Variants in CNTNAP3 observed in about 807,000 individuals in gnomAD.
CNTNAP3 encodes the protein contactin-associated protein-like 3.
A neutral mutation model predicts 92.1 loss-of-function variants in CNTNAP3; 36 were observed. The ratio of observed to expected loss-of-function variants is 0.39; its 90% CI spans 0.30 to 0.52. The LOEUF (loss-of-function observed/expected upper bound fraction) is 0.52, where lower values mean the gene tolerates loss of function less well. Among genes scored for constraint, CNTNAP3 ranks in the 20% least tolerant of loss-of-function variants. CNTNAP3 has a pLI of 0.76. For synonymous variants in CNTNAP3, 232 were observed against 422.3 expected, an observed-to-expected ratio of 0.55 and a Z score of 5.53; for missense variants, 534 against 1,069.6, an observed-to-expected ratio of 0.50 and a Z score of 6.98.
chr9:39,138,322 G>A (rs1377044435), intron 12 of CNTNAP3, among the ~76,000 whole-genome samples: 1 of 152,114 alleles, frequency 6.6e-6, no homozygotes, highest in East Asian at 1.9e-4. Context: ...CCTTTAGGGA[G>A]CCTTAGCCTC....
chr9:39,101,085 A>T (rs1336799200), intron 17 of CNTNAP3, among the ~76,000 whole-genome samples: 2 of 148,718 alleles, frequency 1.3e-5, no homozygotes, highest in African/African-American at 4.9e-5. Context: ...AATCTCCAAG[A>T]TTACAAGTGA....
At chr9:39,149,136 T>C (rs752971414) in intron 10 of CNTNAP3, among the ~76,000 whole-genome samples, 145 of 152,198 alleles carry the variant, frequency 9.5e-4, no homozygotes, top group Non-Finnish European at 1.6e-3. Context: ...GCAGAACATG[T>C]GGGGTTGGGT....
At chr9:39,122,398 C>T (rs1821051298) in intron 13 of CNTNAP3, among the ~76,000 whole-genome samples, 1 of 151,602 alleles carries the variant, frequency 6.6e-6, no homozygotes, top group Admixed American at 6.6e-5. Flanking sequence ...AATGAGTATA[C>T]GATGCTTCTC....
chr9:39,129,594 A>G (rs1308701745), intron 13 of CNTNAP3, among the ~76,000 whole-genome samples: 4 of 152,224 alleles, frequency 2.6e-5, no homozygotes, highest in African/African-American at 9.6e-5. Flanking sequence ...TAGAATTGAC[A>G]CGATGTGTAC....
At chr9:39,154,857 G>A (rs1016516083) in intron 9 of CNTNAP3, 3 of 232,468 alleles carry the variant, frequency 1.3e-5, no homozygotes, top group African/African-American at 2.4e-5. Context: ...CAGGGGCTGC[G>A]AGATGCCTTT....
At chr9:39,116,841 G>C (rs1820869794) in intron 14 of CNTNAP3, among the ~76,000 whole-genome samples, 1 of 152,098 alleles carries the variant, frequency 6.6e-6, no homozygotes, top group African/African-American at 2.4e-5. Flanking sequence ...ATGCAAAGTA[G>C]ACTTTTTATG....
At chr9:39,146,959 C>T (rs566278268) in intron 10 of CNTNAP3, among the ~76,000 whole-genome samples, 14 of 152,204 alleles carry the variant, frequency 9.2e-5, no homozygotes, top group East Asian at 1.9e-4. Context: ...TAATTCCCAC[C>T]GTGTCATGGG....
At chr9:39,123,447 C>G (rs138522976) in intron 13 of CNTNAP3, among the ~76,000 whole-genome samples, 1 of 151,692 alleles carries the variant, frequency 6.6e-6, no homozygotes, top group Non-Finnish European at 1.5e-5. Flanking sequence ...ATCGGAATAC[C>G]AGAAGTAGAA....
At chr9:39,083,597 T>G (rs1262655205) in intron 21 of CNTNAP3, among the ~76,000 whole-genome samples, 2 of 149,458 alleles carry the variant, frequency 1.3e-5, no homozygotes, top group Non-Finnish European at 3.0e-5. Flanking sequence ...AGGCGGAGGT[T>G]GCAGTGAGCC....
intron 15 of CNTNAP3, among the ~76,000 whole-genome samples, chr9:39,105,364 T>C (rs190833585): frequency 3.2e-4 from 49 of 152,254 alleles, no homozygotes; most frequent in Non-Finnish European, 1.2e-4. Context: ...GAGGCGGAGC[T>C]TGCAGTGAGG....
rs4062749 is a variant in CNTNAP3, at chr9:39,161,656, C to CAATAATAAT, written c.1477+4268_1477+4276dup. Reference sequence around the variant, plus strand: ...CATAGCGAGACCTCGTCTCTACAAACAATAATAATAATAATAATAATAATA... The same window carrying CAATAATAAT: ...CATAGCGAGACCTCGTCTCTACAAACAATAATAATAATAATAATAATAATAATAATAATA... On this transcript the variant is annotated intron_variant, in intron 9 of 23. Coordinates refer to ENST00000297668, the MANE Select transcript of CNTNAP3 (RefSeq NM_033655.5). Among the ~76,000 whole-genome samples the CAATAATAAT allele has an allele frequency of 4.1e-3, 507 of 124,376 alleles. 9 individuals are homozygous for CAATAATAAT. Among genetic ancestry groups the CAATAATAAT allele is most frequent in the African/African-American group, 7.1e-3 (233 of 32,766 alleles). 81.6% of individuals were successfully genotyped at this position (124,376 alleles called of 152,430 possible). A position where few individuals can be genotyped will look rare whatever the true frequency, so the allele number is the denominator to read the frequency against.
At chr9:39,125,882 C>T (rs62570006) in intron 13 of CNTNAP3, among the ~76,000 whole-genome samples, 73 of 151,984 alleles carry the variant, frequency 4.8e-4, no homozygotes, top group Non-Finnish European at 9.9e-4. Context: ...CCATTATTAC[C>T]ACTGGAGACT....
intron 20 of CNTNAP3, chr9:39,086,188 T>A (rs1324777477): frequency 2.8e-6 from 1 of 354,910 alleles, no homozygotes; most frequent in African/African-American, 2.1e-5. Context: ...GCATTGTTGT[T>A]CTCTATACAG....
At position 39,109,169 on chromosome 9, in the gene CNTNAP3, G is replaced by A. The variant is rs762454175; in HGVS notation, c.2356C>T (p.Arg786Cys). 1.3e-4 allele frequency: 209 copies of A among 1,612,522 alleles called. No individual in the cohort carries two copies. Among genetic ancestry groups the A allele is most frequent in the Non-Finnish European group, 1.6e-4 (183 of 1,179,686 alleles). ...TCTTGACACTACTTACGATCTCCGC[G>A]GCAGAGCAGTGGCCCCAGTGTATAA... ...AAYTLGPLLCRGDQSFWNSAS... is the reference protein window; with the variant it reads ...AAYTLGPLLCCGDQSFWNSAS... Residue 786 changes from arginine to cysteine, a missense_variant, in exon 15 of 24, where the codon CGC becomes TGC. Coordinates refer to ENST00000297668, the MANE Select transcript of CNTNAP3 (RefSeq NM_033655.5).
rs1350539196 is a variant in CNTNAP3 at position 39,071,262 on chromosome 9, C to T, written c.*2628G>A. 4.6e-5 allele frequency among the ~76,000 whole-genome samples: 7 copies of T among 150,684 alleles called. No individual in the cohort carries two copies. The highest frequency in any genetic ancestry group is 7.4e-5 in the African/African-American group (3 of 40,458). On this transcript the variant is annotated 3_prime_UTR_variant, in exon 24 of 24. Transcript: ENST00000297668. The stretch of plus-strand genomic sequence containing the variant: ...TAGAGACACGGGGTAGAATATGTCA[C>T]GTATCAGTAGTAACTACTATCAAAG...
At chr9:39,142,895 G>A (rs1821610827) in intron 11 of CNTNAP3, among the ~76,000 whole-genome samples, 3 of 151,996 alleles carry the variant, frequency 2.0e-5, no homozygotes, top group Non-Finnish European at 2.9e-5. Context: ...TGGCTTTTGT[G>A]AAAATCAAAT....
intron 12 of CNTNAP3, chr9:39,140,200 G>A (rs556078358): frequency 1.6e-5 from 3 of 185,230 alleles, no homozygotes; most frequent in African/African-American, 7.1e-5. Context: ...AAAGACCTCT[G>A]TTTTTTCTAA....
intron 8 of CNTNAP3, among the ~76,000 whole-genome samples, chr9:39,167,974 G>A (rs143016959): frequency 0.022 from 2,955 of 137,422 alleles, 144 homozygotes; most frequent in Non-Finnish European, 0.033. Context: ...AGGATTATAT[G>A]ATTCTGCAGG....
chr9:39,148,355 C>A (rs553983132), intron 10 of CNTNAP3, among the ~76,000 whole-genome samples: 1 of 152,248 alleles, frequency 6.6e-6, no homozygotes, highest in Non-Finnish European at 1.5e-5. Flanking sequence ...ATGAACTTTT[C>A]ATTTAGTAGT....
Sources: gnomAD v4.1 joint callset for allele counts (sites outside exome capture counted in the v4.1 genomes callset) on GRCh38, gnomAD v4.1.1 for gene constraint, MANE v1.5 for transcripts, NCBI Gene and HGNC (gene_info 2026-07-23, HGNC 2026-07-21) for gene names.